Variants in GLI2 observed in about 807,000 individuals in gnomAD.
GLI2 encodes GLI family zinc finger 2.
GLI2 carries 22 observed loss-of-function variants against 78.9 expected under a neutral mutation model. The observed-to-expected ratio is 0.28, with a 90% CI of 0.20 to 0.40. The LOEUF (loss-of-function observed/expected upper bound fraction) is 0.40. GLI2 is among the 10% of genes least tolerant of loss of function. GLI2 has a pLI of 1.00. For synonymous variants in GLI2, 974 were observed against 963.7 expected, an observed-to-expected ratio of 1.01 and a Z score of -0.20; for missense variants, 2,097 against 2,213.2, an observed-to-expected ratio of 0.95 and a Z score of 1.05.
chr2:120,984,417 T>C (rs1682867368), intron 11 of GLI2, 54 bp from the exon 12 acceptor site: 4 of 1,589,686 alleles, frequency 2.5e-6, no homozygotes, highest in Middle Eastern at 1.7e-4. Context: ...GAGCGCCCCT[T>C]CAGAGTTGAT....
chr2:120,924,284 G>C (rs1029347058), intron 2 of GLI2, among the ~76,000 whole-genome samples: 3 of 152,204 alleles, frequency 2.0e-5, no homozygotes, highest in Non-Finnish European at 4.4e-5. Flanking sequence ...TACATAGCAA[G>C]GTGGGGACGT....
At chr2:120,907,764 C>A (rs145094051) in intron 2 of GLI2, among the ~76,000 whole-genome samples, 4 of 152,112 alleles carry the variant, frequency 2.6e-5, no homozygotes, top group Non-Finnish European at 5.9e-5. Context: ...CATAACCCCC[C>A]CAACACACAC....
intron 5 of GLI2, among the ~76,000 whole-genome samples, chr2:120,962,475 G>A (rs1472925617): frequency 6.6e-6 from 1 of 152,190 alleles, no homozygotes; most frequent in Non-Finnish European, 1.5e-5. Flanking sequence ...GGGGCTGATG[G>A]ATCAATGAAT....
intron 2 of GLI2, among the ~76,000 whole-genome samples, chr2:120,894,844 G>A (rs879467625): frequency 1.4e-4 from 22 of 152,242 alleles, no homozygotes; most frequent in African/African-American, 2.2e-4. Context: ...GACTACAGGC[G>A]CCTGCCACCA....
rs372990380 is a variant in GLI2, at chr2:120,984,556, G to A, written c.1718G>A (p.Gly573Asp). 7 of 1,614,086 alleles carry A rather than the reference G, an allele frequency of 4.3e-6. No homozygotes were observed. The highest frequency in any genetic ancestry group is 5.9e-6 in the Non-Finnish European group (7 of 1,180,040). The change falls in exon 12 of 14, where the codon GGC (glycine) becomes GAC (aspartate). Residue 573 changes from glycine (G) to aspartate (D), a missense_variant. By Grantham distance (94) the Gly-to-Asp change is moderately conservative (BLOSUM62 -1). Transcript: ENST00000361492. ...CGGAAGCATGTGAAAACGGTCCACGGCCCAGATGCCCACGTCACCAAGAAG... is the reference window on the plus strand; with the variant it reads ...CGGAAGCATGTGAAAACGGTCCACGACCCAGATGCCCACGTCACCAAGAAG... ...SLRKHVKTVH[G>D]PDAHVTKKQR...
At position 120,745,632 on chromosome 2, in the gene GLI2, C is replaced by T. The variant is rs569469963; in HGVS notation, c.-31+9347C>T. Reference sequence around the variant, plus strand: ...CCGCAGCTGTGACCATGTGGGGTGGCTTCTGGGGCTTTGATTCATACAGTT... The same window carrying T: ...CCGCAGCTGTGACCATGTGGGGTGGTTTCTGGGGCTTTGATTCATACAGTT... On this transcript the variant is annotated intron_variant, in intron 1 of 13. Coordinates refer to ENST00000361492, the MANE Select transcript of GLI2 (RefSeq NM_001374353.1). Among the ~76,000 whole-genome samples, 6 of 152,272 alleles carry T rather than the reference C, an allele frequency of 3.9e-5. No homozygotes were observed. The East Asian group carries it at 1.2e-3, about 29-fold the overall frequency.
chr2:120,975,145 G>T, intron 9 of GLI2, 36 bp downstream of exon 9: 1 of 1,608,548 alleles, frequency 6.2e-7, no homozygotes, highest in Non-Finnish European at 8.5e-7. Flanking sequence ...GCCAACCGGG[G>T]CACGGCCCAG....
At chr2:120,793,904 C>T (rs1018168927) in intron 1 of GLI2, among the ~76,000 whole-genome samples, 1 of 152,206 alleles carries the variant, frequency 6.6e-6, no homozygotes, top group African/African-American at 2.4e-5. Flanking sequence ...CCTTGGGCAG[C>T]TCACTCCCCA....
intron 2 of GLI2, among the ~76,000 whole-genome samples, chr2:120,810,724 C>T (rs1685196565): frequency 6.6e-6 from 1 of 152,252 alleles, no homozygotes; most frequent in Non-Finnish European, 1.5e-5. Context: ...CAGAAGCCCG[C>T]TCTGGCTCTC....
At chr2:120,808,934 G>C (rs1429762488) in intron 2 of GLI2, among the ~76,000 whole-genome samples, 3 of 152,168 alleles carry the variant, frequency 2.0e-5, no homozygotes, top group Non-Finnish European at 4.4e-5. Context: ...ATAGTTCTCA[G>C]CAGCGCCCAC....
At chr2:120,855,752 G>A (rs1378333622) in intron 2 of GLI2, among the ~76,000 whole-genome samples, 1 of 152,174 alleles carries the variant, frequency 6.6e-6, no homozygotes, top group African/African-American at 2.4e-5. Flanking sequence ...TGGACAGTGG[G>A]GGAAATGGAG....
At chr2:120,741,947 T>G (rs1047734596) in intron 1 of GLI2, among the ~76,000 whole-genome samples, 1 of 152,118 alleles carries the variant, frequency 6.6e-6, no homozygotes, top group Non-Finnish European at 1.5e-5. Context: ...CGCGAGCGGC[T>G]CCCACCCGGG....
At chr2:120,859,684 G>A (rs989866103) in intron 2 of GLI2, among the ~76,000 whole-genome samples, 27 of 151,954 alleles carry the variant, frequency 1.8e-4, no homozygotes, top group African/African-American at 6.5e-4. Context: ...CCATCTCTCG[G>A]CCTCAGGTGA....
chr2:120,971,888 G>T, intron 7 of GLI2, 53 bp from the exon 8 acceptor site: 1 of 1,588,252 alleles, frequency 6.3e-7, no homozygotes, highest in Non-Finnish European at 8.6e-7. Context: ...AAAAATTTGG[G>T]ATATCCCTGC....
intron 2 of GLI2, among the ~76,000 whole-genome samples, chr2:120,912,082 G>A (rs72955357): frequency 0.065 from 9,886 of 152,106 alleles, 1,076 homozygotes; most frequent in African/African-American, 0.22. Context: ...GCCCACAAAC[G>A]CCTCGGATGA....
intron 2 of GLI2, among the ~76,000 whole-genome samples, chr2:120,830,967 G>A (rs763665107): frequency 2.7e-5 from 4 of 145,578 alleles, no homozygotes; most frequent in African/African-American, 5.1e-5. Context: ...CTCTGCCTCC[G>A]TATCTCTCTC....
chr2:120,819,095 G>A (rs1359181607), intron 2 of GLI2, among the ~76,000 whole-genome samples: 1 of 152,184 alleles, frequency 6.6e-6, no homozygotes, highest in African/African-American at 2.4e-5. Flanking sequence ...GGGCTCAGGG[G>A]CTTCTTGGCT....
intron 2 of GLI2, among the ~76,000 whole-genome samples, chr2:120,884,677 G>A (rs1365704245): frequency 6.6e-6 from 1 of 152,182 alleles, no homozygotes; most frequent in African/African-American, 2.4e-5. Flanking sequence ...TAATCAGGCT[G>A]GGTCCCCGCA....
chr2:120,942,911 CTCACTCAT>C (rs1680526943), intron 3 of GLI2, among the ~76,000 whole-genome samples: 1 of 137,012 alleles, frequency 7.3e-6, no homozygotes, highest in African/African-American at 2.9e-5. Context: ...CACACCCTCA[CTCACTCAT>C]TCATTCATTC....
Sources: allele counts gnomAD v4.1 joint callset (sites outside exome capture counted in the v4.1 genomes callset), GRCh38; gene constraint gnomAD v4.1.1; transcripts MANE v1.5; gene names NCBI Gene and HGNC (gene_info 2026-07-23, HGNC 2026-07-21).